Variants in CLUL1 observed in about 807,000 individuals in gnomAD.
CLUL1 encodes clusterin like 1.
In CLUL1, 43 loss-of-function variants were observed where a neutral mutation model predicts 49.4. That is an observed-to-expected ratio of 0.87 (90% CI 0.68 to 1.12). The LOEUF (loss-of-function observed/expected upper bound fraction) is 1.12. Ranked by LOEUF, CLUL1 falls within the 50% of genes most tolerant of loss-of-function variation. The pLI is 0.00. For missense variants in CLUL1, 486 were observed against 544.4 expected (o/e 0.89, Z 1.07); for synonymous variants, 192 against 184.9 (o/e 1.04, Z -0.31).
At chr18:633,495 A>C in intron 7 of CLUL1, 60 bp downstream of exon 7, 1 of 1,454,650 alleles carries the variant, frequency 6.9e-7, no homozygotes, top group South Asian at 1.2e-5. Flanking sequence ...ATTTTGTTAT[A>C]AAGTTTCGGT....
chr18:617,696 C>T (rs892972951), intron 2 of CLUL1, among the ~76,000 whole-genome samples: 1 of 151,640 alleles, frequency 6.6e-6, no homozygotes, highest in Admixed American at 6.6e-5. Flanking sequence ...GAAGCTTGGA[C>T]TCTGAGAGGA....
intron 6 of CLUL1, among the ~76,000 whole-genome samples, chr18:628,774 G>A (rs552527741): frequency 2.0e-5 from 3 of 151,684 alleles, no homozygotes; most frequent in Non-Finnish European, 4.4e-5. Context: ...GGGGATTACA[G>A]GTGCCCGCCA....
At chr18:625,555 AC>A (rs2073660480) in intron 5 of CLUL1, among the ~76,000 whole-genome samples, 1 of 110,788 alleles carries the variant, frequency 9.0e-6, no homozygotes, top group East Asian at 3.0e-4. Context: ...ACACACACAC[AC>A]ACACCCCTTC....
rs1441827264 is a variant in CLUL1, at chr18:633,339, C to T, written c.898C>T (p.Gln300Ter). The change falls in exon 7 of 10, where the codon CAG (glutamine) becomes TAG (stop). Residue 300 changes from glutamine to a stop codon, truncating the protein, a stop_gained. Coordinates refer to ENST00000692774, the MANE Select transcript of CLUL1 (RefSeq NM_001393344.1). LOFTEE classifies it high-confidence loss of function. ...GGLISKMLPG[Q>*]DRGLCGELDQ... is the part of the protein sequence containing the mutation. Reference sequence around the variant, plus strand: ...CCTGATTTCAAAGATGTTACCTGGGCAGGACAGAGGACTGTGTGGGGAACT... The same window carrying T: ...CCTGATTTCAAAGATGTTACCTGGGTAGGACAGAGGACTGTGTGGGGAACT... 3 of 1,613,512 alleles carry T rather than the reference C, an allele frequency of 1.9e-6. No individual in the cohort carries two copies. Among genetic ancestry groups the T allele is most frequent in the South Asian group, 1.1e-5 (1 of 91,006 alleles).
intron 9 of CLUL1, among the ~76,000 whole-genome samples, chr18:648,108 G>A (rs1386075420): frequency 6.6e-6 from 1 of 152,246 alleles, no homozygotes; most frequent in Non-Finnish European, 1.5e-5. Flanking sequence ...GGCTCTGAGT[G>A]CTGGGCTGTG....
chr18:606,834 A>G lies in CLUL1; in HGVS notation c.-135-144A>G, dbSNP rs886421496. The G allele has an allele frequency of 2.2e-5, 11 of 489,744 alleles. No homozygotes were observed. The highest frequency in any genetic ancestry group is 2.0e-4 in the African/African-American group (10 of 51,068). 30.3% of individuals were successfully genotyped at this position (489,744 alleles called of 1,614,324 possible). On this transcript the variant is annotated intron_variant, in intron 1 of 9. Transcript: ENST00000692774. This position sits in a 1 kb window ranked among gnomAD's most constrained non-coding sequence, Gnocchi z 4.1. ...GTTTAGAGCAGGAATGTTCTTGGGC[A>G]TCTGCCTTCCCCCACCAGCACCCCC...
intron 9 of CLUL1, among the ~76,000 whole-genome samples, chr18:645,810 A>AAAATAT (rs1451607900): frequency 0.013 from 385 of 29,686 alleles, 17 homozygotes; most frequent in Non-Finnish European, 0.018. Context: ...AAAAAAAAAA[A>AAAATAT]ATATATATAT....
At chr18:624,198 A>G (rs893273887) in intron 4 of CLUL1, among the ~76,000 whole-genome samples, 16 of 152,130 alleles carry the variant, frequency 1.1e-4, no homozygotes, top group African/African-American at 3.6e-4. Context: ...AAGCACCACA[A>G]GGGGGAGCAC....
intron 7 of CLUL1, among the ~76,000 whole-genome samples, chr18:636,919 G>A (rs1254528226): frequency 1.3e-5 from 2 of 150,746 alleles, no homozygotes; most frequent in Non-Finnish European, 3.0e-5. Context: ...GAGCCACCAT[G>A]CCCAGCCCCT....
chr18:621,747 CTG>C (rs1158849545), intron 4 of CLUL1, among the ~76,000 whole-genome samples: 2 of 152,210 alleles, frequency 1.3e-5, no homozygotes, highest in East Asian at 1.9e-4. Flanking sequence ...TACTCCAACA[CTG>C]TAATGAATGA....
intron 7 of CLUL1, among the ~76,000 whole-genome samples, chr18:637,910 G>A (rs1344986232): frequency 1.3e-5 from 2 of 152,012 alleles, no homozygotes; most frequent in Non-Finnish European, 2.9e-5. Context: ...GGAGGCAGAG[G>A]TTGCAGTGAG....
intron 2 of CLUL1, 147 bp from the exon 3 acceptor site, chr18:617,841 T>C (rs1008791487): frequency 4.7e-6 from 3 of 636,782 alleles, no homozygotes; most frequent in Non-Finnish European, 8.3e-6. Flanking sequence ...AGCTTCCTTA[T>C]GTCTCAGGCA....
intron 8 of CLUL1, among the ~76,000 whole-genome samples, chr18:644,211 A>G (rs1487277409): frequency 1.3e-5 from 2 of 152,230 alleles, no homozygotes; most frequent in African/African-American, 4.8e-5. Flanking sequence ...AAGAGAAGGG[A>G]AAAATTTTTA....
At chr18:615,650 T>C (rs16947400) in intron 2 of CLUL1, among the ~76,000 whole-genome samples, 4,962 of 152,266 alleles carry the variant, frequency 0.033, 287 homozygotes, top group African/African-American at 0.11. Context: ...TGGCCAACCA[T>C]GCATCTTTCA....
At chr18:598,280 G>C in intron 1 of CLUL1, 1 of 344,500 alleles carries the variant, frequency 2.9e-6, no homozygotes, top group African/African-American at 2.1e-5. Context: ...GCTGGAATGT[G>C]GGACAGTAAA....
chr18:627,234 G>C lies in CLUL1; in HGVS notation c.561G>C (p.Leu187Phe), dbSNP rs1441489332. The change falls in exon 6 of 10, where the codon TTG (leucine) becomes TTC (phenylalanine). Residue 187 changes from leucine (L) to phenylalanine (F), a missense_variant. By Grantham distance (22) the Leu-to-Phe change is conservative (BLOSUM62 0). Transcript: ENST00000692774. Reference protein sequence around the residue: ...LTQMEDVFSQLTVDVNSLFNR... With the variant: ...LTQMEDVFSQFTVDVNSLFNR... Reference sequence around the variant, plus strand: ...AAATGGAGGATGTGTTCAGCCAGTTGACTGTGGATGTGAATTCTCTCTTTA... The same window carrying C: ...AAATGGAGGATGTGTTCAGCCAGTTCACTGTGGATGTGAATTCTCTCTTTA... 1 of 1,613,996 alleles carries C rather than the reference G, an allele frequency of 6.2e-7. No homozygotes were observed. Among genetic ancestry groups the C allele is most frequent in the South Asian group, 1.1e-5 (1 of 91,062 alleles).
chr18:611,214 C>CAAG (rs2073124291), intron 2 of CLUL1, among the ~76,000 whole-genome samples: 1 of 143,176 alleles, frequency 7.0e-6, no homozygotes, highest in African/African-American at 2.6e-5. Context: ...GGAGCACCTA[C>CAAG]AAGATAACCC....
At chr18:626,278 A>G (rs182251442) in intron 5 of CLUL1, among the ~76,000 whole-genome samples, 287 of 152,040 alleles carry the variant, frequency 1.9e-3, no homozygotes, top group Admixed American at 3.3e-3. Context: ...ACGCCTAGCT[A>G]ATTTTTGTAT....
chr18:607,188 C>T (rs1567955285), intron 2 of CLUL1, 89 bp downstream of exon 2: 3 of 684,360 alleles, frequency 4.4e-6, no homozygotes, highest in East Asian at 5.4e-5. Flanking sequence ...AATGCAGTGA[C>T]ACGATCTCAG....
Sources: allele counts gnomAD v4.1 joint callset (sites outside exome capture counted in the v4.1 genomes callset), GRCh38; gene constraint gnomAD v4.1.1; non-coding constraint Gnocchi (gnomAD v3.1); transcripts MANE v1.5; gene names NCBI Gene and HGNC (gene_info 2026-07-23, HGNC 2026-07-21).